SORCS3: variants seen among roughly 807,000 people sequenced by gnomAD.
SORCS3 encodes the protein sortilin related VPS10 domain containing receptor 3.
In SORCS3, 57 loss-of-function variants were observed where a neutral mutation model predicts 146.3. The observed-to-expected ratio is 0.39, with a 90% CI of 0.31 to 0.49. SORCS3 has a LOEUF of 0.49. SORCS3 is among the 20% of genes least tolerant of loss of function. The pLI is 0.92. For missense variants in SORCS3, 1,341 were observed against 1,575.5 expected (o/e 0.85, Z 2.52); for synonymous variants, 653 against 618.5 (o/e 1.06, Z -0.83).
intron 1 of SORCS3, among the ~76,000 whole-genome samples, chr10:104,713,969 T>A (rs1297126950): frequency 1.3e-5 from 2 of 152,196 alleles, no homozygotes; most frequent in Non-Finnish European, 2.9e-5. Context: ...TTTCTCCTTG[T>A]GTGAGTTATG....
At chr10:104,773,108 G>A (rs747388750) in intron 1 of SORCS3, among the ~76,000 whole-genome samples, 1 of 152,218 alleles carries the variant, frequency 6.6e-6, no homozygotes, top group Non-Finnish European at 1.5e-5. Flanking sequence ...CATTGAAGGA[G>A]TGGGTATCTA....
chr10:105,044,335 A>C (rs2055355530), intron 5 of SORCS3, among the ~76,000 whole-genome samples: 1 of 152,148 alleles, frequency 6.6e-6, no homozygotes, highest in African/African-American at 2.4e-5. Context: ...TGGGTGACAG[A>C]GAATAGGCTA....
In SORCS3 at chr10:105,057,412, C is replaced by T. The variant is rs147651751; in HGVS notation, c.1028+14284C>T. On this transcript the variant is annotated intron_variant, in intron 5 of 26. Transcript: ENST00000369701. ...ATGGGTATAACAGTCTCCAGGTTGT[C>T]TTTCCTTAGTGCCCACACCACCCTG... Among the ~76,000 whole-genome samples the T allele has an allele frequency of 9.9e-5, 15 of 152,246 alleles. No individual in the cohort carries two copies. In the East Asian group the frequency reaches 2.9e-3, roughly 29 times the overall value.
At chr10:104,848,994 TC>T (rs746570850) in intron 2 of SORCS3, among the ~76,000 whole-genome samples, 34 of 152,198 alleles carry the variant, frequency 2.2e-4, no homozygotes, top group Non-Finnish European at 4.9e-4. Flanking sequence ...CCCACTTCAT[TC>T]CATAAAAAAT....
intron 3 of SORCS3, among the ~76,000 whole-genome samples, chr10:104,969,129 T>C (rs1041721368): frequency 6.6e-6 from 1 of 152,218 alleles, no homozygotes; most frequent in Non-Finnish European, 1.5e-5. Flanking sequence ...ATATTTGCTC[T>C]CTGATTATAT....
intron 4 of SORCS3, among the ~76,000 whole-genome samples, chr10:105,010,102 G>T (rs1366851290): frequency 1.3e-5 from 2 of 152,088 alleles, no homozygotes; most frequent in Non-Finnish European, 2.9e-5. Flanking sequence ...CAGGGGTGTG[G>T]CTCAAGTGCA....
At chr10:104,893,964 T>C (rs12766146) in intron 2 of SORCS3, among the ~76,000 whole-genome samples, 28 of 152,198 alleles carry the variant, frequency 1.8e-4, no homozygotes, top group African/African-American at 6.8e-4. Context: ...CATTTCATTG[T>C]TTAGCTATGT....
intron 5 of SORCS3, among the ~76,000 whole-genome samples, chr10:105,089,331 G>A (rs1038075625): frequency 1.3e-5 from 2 of 152,166 alleles, no homozygotes; most frequent in Admixed American, 6.5e-5. Context: ...GCAATACCGT[G>A]TTCCCCATCG....
chr10:104,811,523 C>T (rs1410803563), intron 1 of SORCS3, among the ~76,000 whole-genome samples: 1 of 152,216 alleles, frequency 6.6e-6, no homozygotes, highest in African/African-American at 2.4e-5. Flanking sequence ...TGCCGAAGGT[C>T]ACACAGCTGA....
intron 1 of SORCS3, among the ~76,000 whole-genome samples, chr10:104,721,282 GT>G (rs2016544362): frequency 6.6e-6 from 1 of 152,294 alleles, no homozygotes; most frequent in East Asian, 1.9e-4. Flanking sequence ...AGATCAGATA[GT>G]TGTAGATATG....
chr10:104,914,200 C>T (rs2018999809), intron 2 of SORCS3, among the ~76,000 whole-genome samples: 1 of 152,118 alleles, frequency 6.6e-6, no homozygotes, highest in African/African-American at 2.4e-5. Flanking sequence ...GTTCTTTCCT[C>T]TTATGAAGGG....
At chr10:104,790,616 A>C (rs774956878) in intron 1 of SORCS3, among the ~76,000 whole-genome samples, 14 of 152,182 alleles carry the variant, frequency 9.2e-5, no homozygotes, top group Non-Finnish European at 7.4e-5. Context: ...CTGACTTTCT[A>C]TTCTGGTGAT....
chr10:104,875,360 C>A (rs2998422), intron 2 of SORCS3, among the ~76,000 whole-genome samples: 1 of 152,184 alleles, frequency 6.6e-6, no homozygotes, highest in East Asian at 1.9e-4. Context: ...GAATTCAAAT[C>A]CTGACTGTGC....
In SORCS3 at chr10:105,089,762, C is replaced by G. The variant is rs1352661343; in HGVS notation, c.1029-13C>G. On this transcript the variant is annotated splice_polypyrimidine_tract_variant and intron_variant, in intron 5 of 26. Transcript: ENST00000369701. ...GTTGTCACTGAGCTTCTGTCTCTCC[C>G]TTCCTTTCCCAGGTCGGTGGCCGGA... The G allele has an allele frequency of 6.2e-7, 1 of 1,613,336 alleles. No homozygotes were observed. The highest frequency in any genetic ancestry group is 8.5e-7 in the Non-Finnish European group (1 of 1,179,490).
intron 5 of SORCS3, among the ~76,000 whole-genome samples, chr10:105,069,205 T>C (rs959234827): frequency 6.6e-6 from 1 of 152,224 alleles, no homozygotes; most frequent in African/African-American, 2.4e-5. Flanking sequence ...CATAAGATTG[T>C]ATGCCTTCAA....
intron 7 of SORCS3, among the ~76,000 whole-genome samples, chr10:105,107,158 C>T (rs114904152): frequency 3.9e-5 from 6 of 152,118 alleles, no homozygotes; most frequent in Non-Finnish European, 5.9e-5. Context: ...GTGGCACAAC[C>T]CCCTACCAGG....
chr10:104,792,891 C>A (rs1041804001), intron 1 of SORCS3, among the ~76,000 whole-genome samples: 10 of 152,048 alleles, frequency 6.6e-5, no homozygotes, highest in African/African-American at 2.2e-4. Context: ...TGTGTTCTTA[C>A]TTTAAGATTA....
intron 7 of SORCS3, among the ~76,000 whole-genome samples, chr10:105,106,197 T>A (rs703479): frequency 6.6e-6 from 1 of 151,970 alleles, no homozygotes; most frequent in Non-Finnish European, 1.5e-5. Flanking sequence ...GGTATTTGAT[T>A]GCAACCTTGA....
intron 3 of SORCS3, among the ~76,000 whole-genome samples, chr10:104,917,906 T>C (rs1292229073): frequency 6.6e-6 from 1 of 152,230 alleles, no homozygotes; most frequent in Admixed American, 6.5e-5. Flanking sequence ...GTTGATCTTA[T>C]ATCATGGCTG....
Sources: gnomAD v4.1 joint callset for allele counts (sites outside exome capture counted in the v4.1 genomes callset) on GRCh38, gnomAD v4.1.1 for gene constraint, MANE v1.5 for transcripts, NCBI Gene and HGNC (gene_info 2026-07-23, HGNC 2026-07-21) for gene names.